Variants in AMACR observed in about 807,000 individuals in gnomAD.
The protein encoded by AMACR is 2-methylacyl-CoA racemase.
Under a neutral mutation model 22.2 loss-of-function variants are expected in AMACR, and 18 were observed. The observed-to-expected ratio is 0.81, with a 90% CI of 0.56 to 1.20. The LOEUF is 1.20. Among genes scored for constraint, AMACR ranks in the 50% most tolerant of loss-of-function variants. The pLI, the probability that AMACR is intolerant of heterozygous loss-of-function variation, is 0.00. For synonymous variants in AMACR, 213 were observed against 191.3 expected, an observed-to-expected ratio of 1.11 and a Z score of -0.94; for missense variants, 499 against 490.6, an observed-to-expected ratio of 1.02 and a Z score of -0.16.
rs200119719 is a variant in AMACR, at chr5:34,005,744, T to A, written c.391+12A>T. On this transcript the variant is annotated intron_variant, in intron 2 of 4. Transcript: ENST00000335606. ...AAATTAAAAGTGTAGACTAAATTTT[T>A]TTTCAACATACCTGACAAAGCCAAA... 362 of 1,613,928 alleles carry A rather than the reference T, an allele frequency of 2.2e-4. 1 individual carries two copies. Among genetic ancestry groups the A allele is most frequent in the Non-Finnish European group, 2.7e-4 (324 of 1,180,010 alleles).
chr5:33,997,537 T>C (rs1753681089), intron 4 of AMACR: 1 of 779,356 alleles, frequency 1.3e-6, no homozygotes, highest in East Asian at 2.4e-5. Context: ...GGACCAGAAC[T>C]CAGAAAATGA....
At position 34,004,716 on chromosome 5, in the gene AMACR, C is replaced by A. The variant is rs777768049; in HGVS notation, c.410G>T (p.Gly137Val). ...GGCATACGGATTCTCACCACTTCTG[C>A]CAATTTTTGAGAGAACACCTACATC... is the stretch of plus-strand genomic sequence containing the variant. ...LALSGVLSKIGRSGENPYAPL... is the reference protein window; with the variant it reads ...LALSGVLSKIVRSGENPYAPL... The change falls in exon 3 of 5, where the codon GGC becomes GTC. Residue 137 changes from glycine (G) to valine (V), a missense_variant. Coordinates refer to ENST00000335606, the MANE Select transcript of AMACR (RefSeq NM_014324.6). 6.2e-7 allele frequency: 1 copy of A among 1,614,176 alleles called. No homozygotes were observed. The highest frequency in any genetic ancestry group is 1.3e-5 in the African/African-American group (1 of 75,032).
intron 3 of AMACR, among the ~76,000 whole-genome samples, chr5:34,004,083 T>C (rs1753896983): frequency 6.6e-6 from 1 of 152,234 alleles, no homozygotes; most frequent in Non-Finnish European, 1.5e-5. Context: ...AGAAGTGTTA[T>C]GATATCAGAG....
Position 33,998,625 on chromosome 5 carries a change from C to T in AMACR, c.739+16G>A, listed in dbSNP as rs376704656. On this transcript the variant is annotated intron_variant, in intron 4 of 4. Transcript: ENST00000335606. ...AGCAAAAGGGGAACTGGGGGAGACGCGTGAAGTTCACTTACCTTTGATCAG... is the reference window on the plus strand; with the variant it reads ...AGCAAAAGGGGAACTGGGGGAGACGTGTGAAGTTCACTTACCTTTGATCAG... 1.0e-4 allele frequency: 161 copies of T among 1,592,504 alleles called. 1 individual carries two copies. The East Asian group carries it at 2.5e-3, about 25-fold the overall frequency.
chr5:33,998,942 C>T (rs1753725862), intron 3 of AMACR, 115 bp from the exon 4 acceptor site: 12 of 919,066 alleles, frequency 1.3e-5, no homozygotes, highest in South Asian at 4.4e-5. Flanking sequence ...TTAGAGTATA[C>T]GAAGATTCTA....
intron 4 of AMACR, among the ~76,000 whole-genome samples, chr5:33,995,240 T>C (rs1361291208): frequency 1.3e-5 from 2 of 152,174 alleles, no homozygotes; most frequent in African/African-American, 2.4e-5. Flanking sequence ...AGTGCTTGTG[T>C]TCAAGTAACC....
chr5:34,003,501 C>T (rs1753881194), intron 3 of AMACR, among the ~76,000 whole-genome samples: 1 of 152,152 alleles, frequency 6.6e-6, no homozygotes. Flanking sequence ...GAAACTACAG[C>T]ACAGAGAGGT....
rs1383328814 is a variant in AMACR at position 33,986,972 on chromosome 5, A to G, written c.*2121T>C. The G allele has an allele frequency of 6.6e-6, 1 of 152,166 alleles. No homozygotes were observed. Among genetic ancestry groups the G allele is most frequent in the African/African-American group, 2.4e-5 (1 of 41,444 alleles). 9.4% of individuals were successfully genotyped at this position (152,166 alleles called of 1,614,324 possible). A position where few individuals can be genotyped will look rare whatever the true frequency, so the allele number is the denominator to read the frequency against. On this transcript the variant is annotated 3_prime_UTR_variant, in exon 5 of 5. Coordinates refer to ENST00000335606, the MANE Select transcript of AMACR (RefSeq NM_014324.6). Reference sequence around the variant, plus strand: ...ATTTTCCTTGCTGGACCGAGTTCAAATGAAAAGTCTGAGTTGTAGGGAAAA... The same window carrying G: ...ATTTTCCTTGCTGGACCGAGTTCAAGTGAAAAGTCTGAGTTGTAGGGAAAA...
In AMACR at chr5:33,988,774, A is replaced by G; in HGVS notation, c.*319T>C. On this transcript the variant is annotated 3_prime_UTR_variant, in exon 5 of 5. Coordinates refer to ENST00000335606, the MANE Select transcript of AMACR (RefSeq NM_014324.6). ...TGTATATCGATGTCTTCAAGAATAT[A>G]TCATTCCTTTTTCACTAGAACCCAT... 1 of 1,234,442 alleles carries G rather than the reference A, an allele frequency of 8.1e-7. No homozygotes were observed. Among genetic ancestry groups the G allele is most frequent in the Non-Finnish European group, 1.0e-6 (1 of 982,984 alleles). 76.5% of individuals were successfully genotyped at this position (1,234,442 alleles called of 1,614,324 possible). A position where few individuals can be genotyped will look rare whatever the true frequency, so the allele number is the denominator to read the frequency against.
chr5:33,991,294 A>C (rs2652130), intron 4 of AMACR, among the ~76,000 whole-genome samples: 25,750 of 152,012 alleles, frequency 0.17, 2,566 homozygotes, highest in South Asian at 0.34. Context: ...CATCCTGCCC[A>C]TGACCCTGAC....
chr5:33,991,448 T>A (rs1227856148), intron 4 of AMACR, among the ~76,000 whole-genome samples: 1 of 152,190 alleles, frequency 6.6e-6, no homozygotes, highest in Admixed American at 6.5e-5. Flanking sequence ...CTAGCTGTTA[T>A]GGTACAATCA....
At chr5:34,007,694 G>A (rs1210041183) in intron 1 of AMACR, 79 bp downstream of exon 1, 2 of 1,447,716 alleles carry the variant, frequency 1.4e-6, no homozygotes, top group Middle Eastern at 4.9e-4. Flanking sequence ...AGGTGTGGCG[G>A]GTGCAGCCTC....
At chr5:34,000,635 T>TAC (rs1753788581) in intron 3 of AMACR, among the ~76,000 whole-genome samples, 1 of 152,108 alleles carries the variant, frequency 6.6e-6, no homozygotes, top group Non-Finnish European at 1.5e-5. Context: ...GTAGCGGGAT[T>TAC]ACAGGTGCCT....
chr5:34,003,132 T>TA (rs1455790190), intron 3 of AMACR, among the ~76,000 whole-genome samples: 3 of 152,212 alleles, frequency 2.0e-5, no homozygotes, highest in African/African-American at 7.2e-5. Context: ...CTTCTCTCCT[T>TA]AGCTGTCCTC....
In AMACR at chr5:33,987,350, T is replaced by G. The variant is rs2112027994; in HGVS notation, c.*1743A>C. 6.6e-6 allele frequency: 1 copy of G among 152,358 alleles called. No homozygotes were observed. The highest frequency in any genetic ancestry group is 2.4e-5 in the African/African-American group (1 of 41,592). 9.4% of individuals were successfully genotyped at this position (152,358 alleles called of 1,614,324 possible). On this transcript the variant is annotated 3_prime_UTR_variant, in exon 5 of 5. Coordinates refer to ENST00000335606, the MANE Select transcript of AMACR (RefSeq NM_014324.6). ...AGACTGAAGGCTAGAATATGAAAGCTTAAATTCTGATTCTGCCCCTTCCTA... is the reference window on the plus strand; with the variant it reads ...AGACTGAAGGCTAGAATATGAAAGCGTAAATTCTGATTCTGCCCCTTCCTA...
chr5:33,996,351 T>C (rs6451051), intron 4 of AMACR, among the ~76,000 whole-genome samples: 45,425 of 151,934 alleles, frequency 0.3, 9,692 homozygotes, highest in African/African-American at 0.6. Flanking sequence ...AACGCACACG[T>C]ACACACGCAG....
At chr5:33,999,180 G>A (rs1194598011) in intron 3 of AMACR, among the ~76,000 whole-genome samples, 2 of 152,114 alleles carry the variant, frequency 1.3e-5, no homozygotes, top group Non-Finnish European at 2.9e-5. Context: ...GTTAAAAACT[G>A]CCAAGATAAA....
At chr5:34,004,485 C>T (rs944599023) in intron 3 of AMACR, 89 bp downstream of exon 3, 67 of 1,544,940 alleles carry the variant, frequency 4.3e-5, no homozygotes, top group Non-Finnish European at 6.3e-6. Flanking sequence ...TCATTTATCT[C>T]TTGTCTTCTT....
chr5:33,994,754 G>A lies in AMACR; in HGVS notation c.739+3887C>T, dbSNP rs1753586223. Among the ~76,000 whole-genome samples, 6 of 151,950 alleles carry A rather than the reference G, an allele frequency of 3.9e-5. No individual in the cohort carries two copies. In the South Asian group the frequency reaches 1.2e-3, roughly 32 times the overall value. On this transcript the variant is annotated intron_variant, in intron 4 of 4. Coordinates refer to ENST00000335606, the MANE Select transcript of AMACR (RefSeq NM_014324.6). ...AAAAGGCTATGGATGCAAAAAGAGG[G>A]GGCTGTAAAAAAATCAGGGGAGTTA...
Sources: gnomAD v4.1 joint callset for allele counts (sites outside exome capture counted in the v4.1 genomes callset) on GRCh38, gnomAD v4.1.1 for gene constraint, MANE v1.5 for transcripts, NCBI Gene and HGNC (gene_info 2026-07-23, HGNC 2026-07-21) for gene names.